RBBP4: variants seen among roughly 807,000 people sequenced by gnomAD.
RBBP4 encodes the protein histone-binding protein RBBP4.
RBBP4 carries 3 observed loss-of-function variants against 57.2 expected under a neutral mutation model. The ratio of observed to expected loss-of-function variants is 0.05; its 90% CI spans 0.02 to 0.14. RBBP4 has a LOEUF of 0.14. Among genes scored for constraint, RBBP4 ranks in the 10% least tolerant of loss-of-function variants. The pLI, the probability that RBBP4 is intolerant of heterozygous loss-of-function variation, is 1.00. For missense variants in RBBP4, 107 were observed against 520.6 expected (o/e 0.21, Z 7.73); for synonymous variants, 151 against 171.5 (o/e 0.88, Z 0.93).
chr1:32,657,967 C>T (rs1453708865), intron 3 of RBBP4, among the ~76,000 whole-genome samples: 5 of 152,266 alleles, frequency 3.3e-5, no homozygotes, highest in East Asian at 3.9e-4. Flanking sequence ...ATTCTTCTGC[C>T]TCATCCTCCT....
At chr1:32,667,206 C>T (rs1043974306) in intron 3 of RBBP4, among the ~76,000 whole-genome samples, 3 of 152,216 alleles carry the variant, frequency 2.0e-5, no homozygotes, top group African/African-American at 7.2e-5. Context: ...TGGTCATGCT[C>T]CTTGTCCACT....
Position 32,680,781 on chromosome 1 carries a change from A to G in RBBP4, c.*1076A>G. 2.1e-6 allele frequency: 1 copy of G among 484,814 alleles called. No individual in the cohort carries two copies. Among genetic ancestry groups the G allele is most frequent in the Non-Finnish European group, 3.7e-6 (1 of 269,802 alleles). The allele number at this position is 484,814 out of a possible 1,614,324, so 30.0% of individuals were successfully genotyped here. A position where few individuals can be genotyped will look rare whatever the true frequency, so the allele number is the denominator to read the frequency against. Reference sequence around the variant, plus strand: ...ACTATCAAGAGCAGAATTAAATGTAATAGTCCCAGAGCTGTAGAAAAGAAC... The same window carrying G: ...ACTATCAAGAGCAGAATTAAATGTAGTAGTCCCAGAGCTGTAGAAAAGAAC... On this transcript the variant is annotated 3_prime_UTR_variant, in exon 12 of 12. Coordinates refer to ENST00000373493, the MANE Select transcript of RBBP4 (RefSeq NM_005610.3).
chr1:32,684,997 T>C lies in RBBP4; in HGVS notation c.*5292T>C, dbSNP rs398500. The C allele has an allele frequency of 0.83, 126,057 of 151,142 alleles. 54,736 individuals carry two copies. Among genetic ancestry groups the C allele is most frequent in the Non-Finnish European group, 0.96 (65,402 of 68,056 alleles). 9.4% of individuals were successfully genotyped at this position (151,142 alleles called of 1,614,324 possible). ...GTGAGGGTGTTGGCTATCCTATTGC[T>C]AATTTCCTGCATCCTTTTTTCTTCT... is the stretch of plus-strand genomic sequence containing the variant. On this transcript the variant is annotated 3_prime_UTR_variant, in exon 12 of 12. Transcript: ENST00000373493.
chr1:32,664,080 C>T (rs1172745522), intron 3 of RBBP4, among the ~76,000 whole-genome samples: 1 of 152,056 alleles, frequency 6.6e-6, no homozygotes, highest in Admixed American at 6.6e-5. Context: ...GCGCCCGCCA[C>T]CACGCCCGGC....
intron 2 of RBBP4, among the ~76,000 whole-genome samples, chr1:32,654,466 C>G (rs1220636473): frequency 3.3e-5 from 5 of 152,162 alleles, no homozygotes; most frequent in Non-Finnish European, 5.9e-5. Context: ...CTAAATTGTG[C>G]TTATTGGACT....
At chr1:32,663,145 T>A (rs1157004695) in intron 3 of RBBP4, among the ~76,000 whole-genome samples, 1 of 152,242 alleles carries the variant, frequency 6.6e-6, no homozygotes, top group South Asian at 2.1e-4. Context: ...CTATGGTGGT[T>A]ACCTTGTTTG....
At chr1:32,651,664 G>A in intron 1 of RBBP4, 1 of 733,562 alleles carries the variant, frequency 1.4e-6, no homozygotes, top group Non-Finnish European at 2.1e-6. Flanking sequence ...TGTGAGTTTC[G>A]GCGCGCACGA....
chr1:32,661,937 G>GT (rs1290114945), intron 3 of RBBP4, among the ~76,000 whole-genome samples: 2 of 117,780 alleles, frequency 1.7e-5, no homozygotes, highest in Non-Finnish European at 3.2e-5. Flanking sequence ...CCAGGCTGGA[G>GT]TGCAGTGTGG....
intron 2 of RBBP4, among the ~76,000 whole-genome samples, chr1:32,653,847 C>T (rs555860065): frequency 1.3e-5 from 2 of 151,192 alleles, no homozygotes; most frequent in East Asian, 3.9e-4. Context: ...TTTAGTAGAG[C>T]CGGGGTTTCA....
chr1:32,665,659 C>A (rs1648612903), intron 3 of RBBP4, among the ~76,000 whole-genome samples: 1 of 130,184 alleles, frequency 7.7e-6, no homozygotes, highest in Non-Finnish European at 1.6e-5. Flanking sequence ...GTCTGGGTGA[C>A]AGAGCAAGAC....
intron 11 of RBBP4, among the ~76,000 whole-genome samples, chr1:32,677,125 A>T (rs1327344466): frequency 6.6e-6 from 1 of 152,098 alleles, no homozygotes; most frequent in Non-Finnish European, 1.5e-5. Flanking sequence ...GAGTGCTAGG[A>T]GTGTCTTTGT....
chr1:32,654,435 C>T (rs1197013823), intron 2 of RBBP4, among the ~76,000 whole-genome samples: 2 of 152,146 alleles, frequency 1.3e-5, no homozygotes, highest in Non-Finnish European at 2.9e-5. Context: ...ATGGTGATTC[C>T]ACATTTACTA....
chr1:32,670,655 C>T (rs1183390785), intron 8 of RBBP4, among the ~76,000 whole-genome samples: 1 of 152,118 alleles, frequency 6.6e-6, no homozygotes, highest in African/African-American at 2.4e-5. Context: ...TCACTGCAAC[C>T]TCCACTTCCC....
At chr1:32,658,993 T>A (rs964290704) in intron 3 of RBBP4, among the ~76,000 whole-genome samples, 3 of 137,080 alleles carry the variant, frequency 2.2e-5, no homozygotes, top group African/African-American at 7.5e-5. Context: ...GTGTATATAT[T>A]GTGTGTAAAA....
At chr1:32,663,462 C>G (rs1379546116) in intron 3 of RBBP4, among the ~76,000 whole-genome samples, 2 of 152,096 alleles carry the variant, frequency 1.3e-5, no homozygotes, top group African/African-American at 2.4e-5. Flanking sequence ...TTTTTTCAGA[C>G]AGGGTCTTAC....
chr1:32,681,408 G>A lies in RBBP4; in HGVS notation c.*1703G>A, dbSNP rs1256249329. The A allele has an allele frequency of 6.0e-6, 1 of 167,698 alleles. No individual in the cohort carries two copies. The highest frequency in any genetic ancestry group is 1.3e-5 in the Non-Finnish European group (1 of 78,446). 10.4% of individuals were successfully genotyped at this position (167,698 alleles called of 1,614,324 possible). A position where few individuals can be genotyped will look rare whatever the true frequency, so the allele number is the denominator to read the frequency against. ...CTCGTGGCACAAAAGAATGGAAATT[G>A]TAAACCCATGTAATGGAAATTGGCT... On this transcript the variant is annotated 3_prime_UTR_variant, in exon 12 of 12. Transcript: ENST00000373493.
chr1:32,683,974 C>T lies in RBBP4; in HGVS notation c.*4269C>T, dbSNP rs1192333131. ...ATTAGTATTGTTAGGAAAGCAGTAA[C>T]AATGCAAACACCACTCTTCTCTTCA... On this transcript the variant is annotated 3_prime_UTR_variant, in exon 12 of 12. Transcript: ENST00000373493. The T allele has an allele frequency of 1.3e-6, 2 of 1,596,366 alleles. No homozygotes were observed. The highest frequency in any genetic ancestry group is 1.7e-6 in the Non-Finnish European group (2 of 1,164,534).
At chr1:32,676,433 C>T (rs1649103371) in intron 11 of RBBP4, among the ~76,000 whole-genome samples, 1 of 151,464 alleles carries the variant, frequency 6.6e-6, no homozygotes, top group South Asian at 2.1e-4. Flanking sequence ...AGTGAAACCC[C>T]ATCTCTACTA....
intron 11 of RBBP4, among the ~76,000 whole-genome samples, chr1:32,678,099 A>G (rs1240541956): frequency 1.3e-5 from 2 of 152,214 alleles, no homozygotes; most frequent in African/African-American, 2.4e-5. Context: ...CAGTTGTGCA[A>G]CCATCAACCA....
Sources: allele counts gnomAD v4.1 joint callset (sites outside exome capture counted in the v4.1 genomes callset), GRCh38; gene constraint gnomAD v4.1.1; transcripts MANE v1.5; gene names NCBI Gene and HGNC (gene_info 2026-07-23, HGNC 2026-07-21).